Variants in SORL1 observed in about 807,000 individuals in gnomAD.
SORL1 encodes the protein sortilin related receptor 1, also known as sortilin-related receptor.
Under a neutral mutation model 273.7 loss-of-function variants are expected in SORL1, and 127 were observed. The ratio of observed to expected loss-of-function variants is 0.46; its 90% CI spans 0.40 to 0.54. SORL1 has a LOEUF of 0.54. Ranked by LOEUF, SORL1 falls within the 20% of genes least tolerant of loss-of-function variation. SORL1 has a pLI of 0.00. For missense variants in SORL1, 2,494 were observed against 2,846.1 expected (o/e 0.88, Z 2.81); for synonymous variants, 1,031 against 1,067.4 (o/e 0.97, Z 0.66).
chr11:121,476,233 GT>G (rs1861265225), intron 2 of SORL1, among the ~76,000 whole-genome samples: 1 of 152,244 alleles, frequency 6.6e-6, no homozygotes, highest in South Asian at 2.1e-4. Context: ...CAGAATAGAA[GT>G]GAGAAAGTGC....
At chr11:121,506,399 A>G (rs544198317) in intron 6 of SORL1, among the ~76,000 whole-genome samples, 65 of 152,298 alleles carry the variant, frequency 4.3e-4, no homozygotes, top group African/African-American at 1.1e-3. Context: ...CCTCACAATC[A>G]TGGTGGAAGG....
At chr11:121,544,898 T>C (rs1163545392) in intron 13 of SORL1, among the ~76,000 whole-genome samples, 1 of 152,198 alleles carries the variant, frequency 6.6e-6, no homozygotes, top group Non-Finnish European at 1.5e-5. Context: ...GTATTGCTCA[T>C]CAAGGATTCA....
intron 2 of SORL1, among the ~76,000 whole-genome samples, chr11:121,476,388 T>C (rs1784926): frequency 0.99 from 150,947 of 152,278 alleles, 74,834 homozygotes; most frequent in Middle Eastern, 1. Context: ...CAACTGTGAC[T>C]CAGATAAAGG....
intron 21 of SORL1, 146 bp from the exon 22 acceptor site, chr11:121,566,794 C>A: frequency 2.9e-6 from 2 of 691,152 alleles, no homozygotes; most frequent in Non-Finnish European, 4.7e-6. Flanking sequence ...GCACAGTAGG[C>A]GCCCCAAAGC....
chr11:121,607,291 G>A lies in SORL1; in HGVS notation c.5166+1G>A, dbSNP rs754647942. 1.3e-6 allele frequency: 2 copies of A among 1,533,542 alleles called. No individual in the cohort carries two copies. The highest frequency in any genetic ancestry group is 1.8e-6 in the Non-Finnish European group (2 of 1,107,334). 95.0% of individuals were successfully genotyped at this position (1,533,542 alleles called of 1,614,324 possible). Reference sequence around the variant, plus strand: ...GGTCAACACTCTATACACCGTCAGAGTGAGTGTCGTCATCCATTCCAGCCA... The same window carrying A: ...GGTCAACACTCTATACACCGTCAGAATGAGTGTCGTCATCCATTCCAGCCA... On this transcript the variant is annotated splice_donor_variant, in intron 37 of 47. Transcript: ENST00000260197. LOFTEE classifies it high-confidence loss of function.
At chr11:121,540,304 A>G (rs1862326923) in intron 12 of SORL1, among the ~76,000 whole-genome samples, 2 of 152,116 alleles carry the variant, frequency 1.3e-5, no homozygotes, top group South Asian at 4.2e-4. Context: ...CCCTGGGATT[A>G]TGTCTATATT....
chr11:121,589,144 A>C, intron 28 of SORL1, 115 bp from the exon 29 acceptor site: 1 of 1,178,458 alleles, frequency 8.5e-7, no homozygotes, highest in South Asian at 1.3e-5. Flanking sequence ...TGGTTTAGCC[A>C]GACAGTCCTT....
At chr11:121,470,203 AAAAAGTAGTGG>A in intron 2 of SORL1, 80 bp downstream of exon 2, 1 of 889,572 alleles carries the variant, frequency 1.1e-6, no homozygotes, top group Admixed American at 1.7e-5. Flanking sequence ...ATCATACTGG[AAAAAGTAGTGG>A]GTAATTGGAA....
At chr11:121,490,753 A>AT (rs1861540874) in intron 5 of SORL1, among the ~76,000 whole-genome samples, 1 of 151,872 alleles carries the variant, frequency 6.6e-6, no homozygotes. Flanking sequence ...AAAAAAAAAA[A>AT]AAAAAAATTC....
In SORL1 at chr11:121,550,710, T is replaced by C. The variant is rs1565333110; in HGVS notation, c.2266+40T>C. On this transcript the variant is annotated intron_variant, in intron 16 of 47. Coordinates refer to ENST00000260197, the MANE Select transcript of SORL1 (RefSeq NM_003105.6). This position sits in a 1 kb window ranked among gnomAD's most constrained non-coding sequence, Gnocchi z 5.3. ...TTCTTCCCTTTCATTTCTTGAGACATGGTTGAAGCAGTATCACGATCTCAC... is the reference window on the plus strand; with the variant it reads ...TTCTTCCCTTTCATTTCTTGAGACACGGTTGAAGCAGTATCACGATCTCAC... The C allele has an allele frequency of 9.2e-6, 14 of 1,524,552 alleles. No individual in the cohort carries two copies. Among genetic ancestry groups the C allele is most frequent in the Non-Finnish European group, 1.2e-5 (13 of 1,101,910 alleles). The allele number at this position is 1,524,552 out of a possible 1,614,324, so 94.4% of individuals were successfully genotyped here.
At chr11:121,600,992 C>A (rs1050765694) in intron 32 of SORL1, among the ~76,000 whole-genome samples, 4 of 151,678 alleles carry the variant, frequency 2.6e-5, no homozygotes, top group African/African-American at 9.7e-5. Context: ...GTGTGCTGCA[C>A]CCACTAACTC....
chr11:121,590,529 C>T, intron 30 of SORL1: 1 of 521,232 alleles, frequency 1.9e-6, no homozygotes. Context: ...TGCTAATAAG[C>T]CCCCAGGTCC....
chr11:121,535,852 T>C (rs552109809), intron 12 of SORL1, among the ~76,000 whole-genome samples: 1 of 152,292 alleles, frequency 6.6e-6, no homozygotes, highest in East Asian at 1.9e-4. Flanking sequence ...TTTGTTTTGC[T>C]CTTGTGTCTA....
chr11:121,546,131 G>A (rs898860225), intron 14 of SORL1, among the ~76,000 whole-genome samples: 5 of 152,164 alleles, frequency 3.3e-5, no homozygotes, highest in African/African-American at 1.2e-4. Context: ...AGGTGTAGAG[G>A]CAGCAGGGTG....
At chr11:121,589,712 T>C (rs1340953983) in intron 29 of SORL1, among the ~76,000 whole-genome samples, 1 of 152,232 alleles carries the variant, frequency 6.6e-6, no homozygotes, top group Non-Finnish European at 1.5e-5. Flanking sequence ...CAGGCCACAA[T>C]GTAATAGTTA....
chr11:121,625,853 G>C (rs1733273776), intron 46 of SORL1, among the ~76,000 whole-genome samples: 1 of 152,082 alleles, frequency 6.6e-6, no homozygotes, highest in South Asian at 2.1e-4. Flanking sequence ...ATAGTAGTTT[G>C]GCCAGGATTT....
chr11:121,486,638 C>G (rs1861476597), intron 3 of SORL1, among the ~76,000 whole-genome samples: 1 of 152,062 alleles, frequency 6.6e-6, no homozygotes, highest in African/African-American at 2.4e-5. Flanking sequence ...CACCACCATG[C>G]CCGGCTAATT....
intron 5 of SORL1, 41 bp downstream of exon 5, chr11:121,490,151 C>A: frequency 1.4e-6 from 2 of 1,400,472 alleles, no homozygotes; most frequent in Non-Finnish European, 2.0e-6. Flanking sequence ...TATGTAACCT[C>A]CTTTCTCCAG....
Position 121,478,165 on chromosome 11 carries a change from C to T in SORL1, c.450C>T (p.Asp150=). Residue 150 remains aspartate (D), a synonymous_variant, in exon 3 of 48, where the codon GAC becomes GAT. Coordinates refer to ENST00000260197, the MANE Select transcript of SORL1 (RefSeq NM_003105.6). ...DYGKSFKKIS[D]KLNFGLGNRS... ...GAAAATCATTCAAGAAAATTTCAGA[C>T]AAGTTAAACTTTGGCTTGGGAAATA... 1 of 1,613,874 alleles carries T rather than the reference C, an allele frequency of 6.2e-7. No individual in the cohort carries two copies. Among genetic ancestry groups the T allele is most frequent in the South Asian group, 1.1e-5 (1 of 91,082 alleles).
Sources: allele counts gnomAD v4.1 joint callset (sites outside exome capture counted in the v4.1 genomes callset), GRCh38; gene constraint gnomAD v4.1.1; non-coding constraint Gnocchi (gnomAD v3.1); transcripts MANE v1.5; gene names NCBI Gene and HGNC (gene_info 2026-07-23, HGNC 2026-07-21).